Variants in VPS45 observed in about 807,000 individuals in gnomAD.
VPS45 encodes vacuolar protein sorting 45 homolog.
Under a neutral mutation model 75.9 loss-of-function variants are expected in VPS45, and 35 were observed. The ratio of observed to expected loss-of-function variants is 0.46; its 90% confidence interval spans 0.35 to 0.61. The LOEUF (loss-of-function observed/expected upper bound fraction) is 0.61. Ranked by LOEUF, VPS45 falls within the 20% of genes least tolerant of loss-of-function variation. The pLI is 0.00. For synonymous variants in VPS45, 220 were observed against 238.2 expected, an observed-to-expected ratio of 0.92 and a Z score of 0.70; for missense variants, 559 against 685.9, an observed-to-expected ratio of 0.81 and a Z score of 2.07.
At chr1:150,144,685 A>C in intron 14 of VPS45, 24 bp from the exon 15 acceptor site, 2 of 1,585,650 alleles carry the variant, frequency 1.3e-6, no homozygotes, top group Non-Finnish European at 1.7e-6. Flanking sequence ...TTTTTCCTTC[A>C]AGTAACCTCA....
chr1:150,110,213 A>G (rs1657569707), intron 13 of VPS45: 5 of 289,720 alleles, frequency 1.7e-5, no homozygotes, highest in Admixed American at 4.7e-5. Context: ...ATATTTCTAC[A>G]TTTGGTTCCA....
At chr1:150,139,743 G>A (rs587704502) in intron 14 of VPS45, among the ~76,000 whole-genome samples, 14 of 152,152 alleles carry the variant, frequency 9.2e-5, no homozygotes, top group Admixed American at 2.6e-4. Flanking sequence ...TTTGTAGAGG[G>A]TCTTGCTATG....
At chr1:150,078,247 C>T (rs2101523875) in intron 7 of VPS45, among the ~76,000 whole-genome samples, 1 of 152,286 alleles carries the variant, frequency 6.6e-6, no homozygotes, top group South Asian at 2.1e-4. Flanking sequence ...TCATTGGTTC[C>T]CATTTGCCTA....
chr1:150,097,487 A>AG (rs1656731646), intron 13 of VPS45, among the ~76,000 whole-genome samples: 1 of 151,292 alleles, frequency 6.6e-6, no homozygotes, highest in Non-Finnish European at 1.5e-5. Flanking sequence ...TGGGAGGCCG[A>AG]GCGGGCAGAT....
intron 13 of VPS45, among the ~76,000 whole-genome samples, chr1:150,098,459 T>C (rs1298544357): frequency 6.6e-6 from 1 of 152,220 alleles, no homozygotes; most frequent in Non-Finnish European, 1.5e-5. Context: ...ATACAAAATT[T>C]AGATTTTTGA....
chr1:150,135,264 T>G (rs1659014084), intron 14 of VPS45, among the ~76,000 whole-genome samples: 1 of 152,124 alleles, frequency 6.6e-6, no homozygotes, highest in South Asian at 2.1e-4. Context: ...TTTTTTATTT[T>G]ATTTATTTAT....
chr1:150,104,064 G>T (rs1261885466), intron 13 of VPS45, among the ~76,000 whole-genome samples: 2 of 152,014 alleles, frequency 1.3e-5, no homozygotes, highest in African/African-American at 4.8e-5. Flanking sequence ...TGAATATAAT[G>T]TCCTTTCAGC....
At chr1:150,107,809 G>C (rs1300105603) in intron 13 of VPS45, among the ~76,000 whole-genome samples, 3 of 152,192 alleles carry the variant, frequency 2.0e-5, no homozygotes, top group Non-Finnish European at 4.4e-5. Context: ...GCTGAGGCAG[G>C]AGAATCGTTT....
At position 150,102,405 on chromosome 1, in the gene VPS45, G is replaced by A. The variant is rs1244711328; in HGVS notation, c.1494-8091G>A. On this transcript the variant is annotated intron_variant, in intron 13 of 14. Transcript: ENST00000644510. ...TCTCTACTAAAAATACAAAATTAGC[G>A]GAGCATGTTGGTGCATGCCTGTAAT... Among the ~76,000 whole-genome samples, 7 of 151,808 alleles carry A rather than the reference G, an allele frequency of 4.6e-5. No individual in the cohort carries two copies. In the South Asian group the frequency reaches 6.3e-4, roughly 14 times the overall value.
chr1:150,138,158 G>A (rs1411725765), intron 14 of VPS45, among the ~76,000 whole-genome samples: 1 of 151,908 alleles, frequency 6.6e-6, no homozygotes, highest in Non-Finnish European at 1.5e-5. Flanking sequence ...CTCTAAAATC[G>A]CTGTTGTCAG....
intron 14 of VPS45, among the ~76,000 whole-genome samples, chr1:150,141,641 G>A (rs116515424): frequency 6.6e-6 from 1 of 152,040 alleles, no homozygotes; most frequent in Admixed American, 6.6e-5. Flanking sequence ...TCTATACATG[G>A]AGTCAGGAAA....
At chr1:150,123,988 A>G (rs1336294362) in intron 14 of VPS45, among the ~76,000 whole-genome samples, 2 of 152,190 alleles carry the variant, frequency 1.3e-5, no homozygotes, top group African/African-American at 2.4e-5. Flanking sequence ...TACTGTACAT[A>G]GTATATTCTT....
chr1:150,090,324 C>T (rs1487587792), intron 10 of VPS45, among the ~76,000 whole-genome samples: 1 of 152,206 alleles, frequency 6.6e-6, no homozygotes, highest in Admixed American at 6.5e-5. Context: ...TTCTCAACAA[C>T]CCAATATACT....
intron 13 of VPS45, among the ~76,000 whole-genome samples, chr1:150,096,081 A>C (rs953403452): frequency 6.6e-6 from 1 of 152,214 alleles, no homozygotes; most frequent in Non-Finnish European, 1.5e-5. Flanking sequence ...AGGGTAAGAG[A>C]GAAGTCAAGA....
intron 13 of VPS45, among the ~76,000 whole-genome samples, chr1:150,101,268 C>CA (rs782740342): frequency 0.027 from 3,759 of 137,164 alleles, 123 homozygotes; most frequent in African/African-American, 0.058. Flanking sequence ...AACCCTGTCG[C>CA]AAAAAAAAAA....
intron 14 of VPS45, among the ~76,000 whole-genome samples, chr1:150,129,645 C>T (rs1409334301): frequency 6.7e-5 from 10 of 149,256 alleles, no homozygotes; most frequent in East Asian, 4.0e-4. Context: ...CTGCAACGCC[C>T]GCCTCCCAGG....
At chr1:150,086,419 A>G (rs1656016703) in intron 10 of VPS45, among the ~76,000 whole-genome samples, 1 of 152,122 alleles carries the variant, frequency 6.6e-6, no homozygotes, top group Non-Finnish European at 1.5e-5. Context: ...TCTTAATGGC[A>G]TCCAAGACAT....
intron 10 of VPS45, among the ~76,000 whole-genome samples, chr1:150,090,758 A>G (rs1559913822): frequency 1.3e-5 from 2 of 152,180 alleles, no homozygotes; most frequent in Admixed American, 6.5e-5. Context: ...TCAAAATTAA[A>G]AATACCATAT....
chr1:150,124,947 C>G (rs868933435), intron 14 of VPS45, among the ~76,000 whole-genome samples: 5 of 151,754 alleles, frequency 3.3e-5, no homozygotes, highest in Middle Eastern at 3.4e-3. Flanking sequence ...TTTCTTTAAT[C>G]ATTTGAGAAC....
Sources: gnomAD v4.1 joint callset for allele counts (sites outside exome capture counted in the v4.1 genomes callset) on GRCh38, gnomAD v4.1.1 for gene constraint, MANE v1.5 for transcripts, NCBI Gene and HGNC (gene_info 2026-07-23, HGNC 2026-07-21) for gene names.